Variants in QTMAN observed in about 807,000 individuals in gnomAD.
The protein encoded by QTMAN is queuosine-tRNA mannosyltransferase, also known as tRNA-queuosine alpha-mannosyltransferase.
At chr2:144,016,746 T>C in the QTMAN span, among the ~76,000 whole-genome samples, 2 of 152,184 alleles carry the variant, frequency 1.3e-5, no homozygotes, top group East Asian at 3.9e-4. Context: ...TAGGACAGTG[T>C]TTCCAATTAC....
the QTMAN span, among the ~76,000 whole-genome samples, chr2:144,299,342 C>G: frequency 1.3e-5 from 2 of 152,062 alleles, no homozygotes; most frequent in Non-Finnish European, 2.9e-5. Flanking sequence ...TGTCACAAAA[C>G]CAGCTTTCTA....
At chr2:144,169,366 A>T in the QTMAN span, among the ~76,000 whole-genome samples, 1 of 152,174 alleles carries the variant, frequency 6.6e-6, no homozygotes, top group African/African-American at 2.4e-5. Flanking sequence ...CACAACTTCA[A>T]CATCTATCAA....
chr2:144,300,510 A>G, the QTMAN span, among the ~76,000 whole-genome samples: 20,251 of 152,216 alleles, frequency 0.13, 2,337 homozygotes, highest in African/African-American at 0.32. Flanking sequence ...TGGTTTTAGA[A>G]GCAATCCATT....
the QTMAN span, among the ~76,000 whole-genome samples, chr2:144,308,162 GT>G: frequency 3.8e-3 from 424 of 110,812 alleles, no homozygotes; most frequent in East Asian, 8.3e-3. Context: ...ATGATTGGTT[GT>G]TTTTTTTTTT....
At chr2:144,188,762 T>G in the QTMAN span, among the ~76,000 whole-genome samples, 2 of 92,678 alleles carry the variant, frequency 2.2e-5, no homozygotes, top group African/African-American at 7.4e-5. Context: ...GAAAAATAAG[T>G]ATAAAATAGC....
At chr2:144,242,699 C>T in the QTMAN span, among the ~76,000 whole-genome samples, 2 of 152,068 alleles carry the variant, frequency 1.3e-5, no homozygotes, top group African/African-American at 2.4e-5. Flanking sequence ...TGGTGGCTCA[C>T]GCCTGTAATC....
chr2:143,994,291 T>C, the QTMAN span, among the ~76,000 whole-genome samples: 1 of 152,168 alleles, frequency 6.6e-6, no homozygotes, highest in African/African-American at 2.4e-5. Flanking sequence ...TGAATGAATC[T>C]AAGAAAAAAT....
chr2:144,214,228 A>G, the QTMAN span, among the ~76,000 whole-genome samples: 1 of 152,192 alleles, frequency 6.6e-6, no homozygotes, highest in African/African-American at 2.4e-5. Context: ...GGGAAAAAAG[A>G]GACAAGATAA....
chr2:144,144,769 G>C, the QTMAN span, among the ~76,000 whole-genome samples: 1 of 151,834 alleles, frequency 6.6e-6, no homozygotes, highest in Non-Finnish European at 1.5e-5. Context: ...AAACATTCTT[G>C]CAAGAATTGC....
the QTMAN span, among the ~76,000 whole-genome samples, chr2:144,222,828 G>A: frequency 3.3e-5 from 5 of 151,940 alleles, no homozygotes; most frequent in Non-Finnish European, 7.4e-5. Context: ...AAAGAAAGCT[G>A]GAAAATGTTA....
the QTMAN span, among the ~76,000 whole-genome samples, chr2:144,081,506 G>A: frequency 2.0e-5 from 3 of 152,136 alleles, no homozygotes; most frequent in East Asian, 1.9e-4. Flanking sequence ...TGACAGGAGC[G>A]CTGGAGAAAA....
At chr2:144,064,696 G>A in the QTMAN span, among the ~76,000 whole-genome samples, 78 of 152,302 alleles carry the variant, frequency 5.1e-4, no homozygotes, top group Non-Finnish European at 1.1e-3. Flanking sequence ...TGCCATGTAT[G>A]TTGTTTGAGA....
the QTMAN span, among the ~76,000 whole-genome samples, chr2:144,243,555 T>C: frequency 6.6e-6 from 1 of 152,234 alleles, no homozygotes; most frequent in Admixed American, 6.5e-5. Context: ...TACACAAATA[T>C]AATCAAAGAA....
At chr2:144,199,183 G>C in the QTMAN span, among the ~76,000 whole-genome samples, 1 of 152,014 alleles carries the variant, frequency 6.6e-6, no homozygotes, top group South Asian at 2.1e-4. Flanking sequence ...CAGTAGCTGG[G>C]ATTACAGGTG....
At chr2:144,214,763 G>A in the QTMAN span, among the ~76,000 whole-genome samples, 6 of 152,218 alleles carry the variant, frequency 3.9e-5, no homozygotes, top group South Asian at 4.1e-4. Context: ...AAACTCATAC[G>A]CCATACTTTC....
chr2:143,967,093 G>A, the QTMAN span, among the ~76,000 whole-genome samples: 1 of 152,212 alleles, frequency 6.6e-6, no homozygotes, highest in South Asian at 2.1e-4. Flanking sequence ...AGTGACTTAA[G>A]CTTTCAGAGT....
chr2:144,133,443 ATATATAATATATAATATATATTATATAT>A, the QTMAN span, among the ~76,000 whole-genome samples: 1 of 62,890 alleles, frequency 1.6e-5, no homozygotes, highest in Non-Finnish European at 2.5e-5. Context: ...ATAATATATA[ATATATAATATATAATATATATTATATAT>A]TATATAATAT....
At chr2:144,037,898 T>C in the QTMAN span, among the ~76,000 whole-genome samples, 13 of 152,224 alleles carry the variant, frequency 8.5e-5, no homozygotes, top group Non-Finnish European at 1.0e-4. Flanking sequence ...GCTAGATGAT[T>C]ATAGGAGAAA....
At chr2:144,137,759 C>G in the QTMAN span, among the ~76,000 whole-genome samples, 104 of 152,078 alleles carry the variant, frequency 6.8e-4, no homozygotes, top group African/African-American at 2.4e-3. Context: ...CAGAGACAGA[C>G]AGAGAGAGAT....
Sources: gnomAD v4.1 joint callset for allele counts (sites outside exome capture counted in the v4.1 genomes callset) on GRCh38, gnomAD v4.1.1 for gene constraint, MANE v1.5 for transcripts, NCBI Gene and HGNC (gene_info 2026-07-23, HGNC 2026-07-21) for gene names.